Variants in PAX2 observed in about 807,000 individuals in gnomAD.
PAX2 encodes the protein paired box 2, also known as paired box protein Pax-2.
PAX2 carries 9 observed loss-of-function variants against 41.7 expected under a neutral mutation model. That is an observed-to-expected ratio of 0.22 (90% CI 0.13 to 0.38). PAX2 has a LOEUF of 0.38. PAX2 is among the 10% of genes least tolerant of loss of function. The pLI is 1.00. For missense variants in PAX2, 418 were observed against 531.6 expected (o/e 0.79, Z 2.10); for synonymous variants, 221 against 212.7 (o/e 1.04, Z -0.34).
chr10:100,779,725 C>T (rs1846537242), intron 4 of PAX2, 142 bp downstream of exon 4: 1 of 713,902 alleles, frequency 1.4e-6, no homozygotes, highest in Non-Finnish European at 2.6e-6. Flanking sequence ...GAGCTCCTGT[C>T]CACATAGGGT....
At chr10:100,777,920 C>G (rs896084294) in intron 3 of PAX2, among the ~76,000 whole-genome samples, 1 of 152,194 alleles carries the variant, frequency 6.6e-6, no homozygotes, top group Non-Finnish European at 1.5e-5. Flanking sequence ...CTCTTAGTCC[C>G]TTGCCTGTCT....
chr10:100,765,017 C>G (rs1322958706), intron 3 of PAX2, among the ~76,000 whole-genome samples: 1 of 152,082 alleles, frequency 6.6e-6, no homozygotes, highest in African/African-American at 2.4e-5. Flanking sequence ...AAATACTTAA[C>G]AAATTCAAAT....
At chr10:100,773,462 T>C (rs1846281052) in intron 3 of PAX2, among the ~76,000 whole-genome samples, 1 of 152,188 alleles carries the variant, frequency 6.6e-6, no homozygotes, top group South Asian at 2.1e-4. Flanking sequence ...TATTATCATA[T>C]AATATAATGC....
rs1848577794 is a variant in PAX2 at position 100,826,680 on chromosome 10, C to T, written c.1022-329C>T. On this transcript the variant is annotated intron_variant, in intron 8 of 9. Transcript: ENST00000355243. This position sits in a 1 kb window ranked among gnomAD's most constrained non-coding sequence, Gnocchi z 5.5. ...TGGCATCTATAAAGGCCCTGGCCCC[C>T]AGCGCGACAGGGTGGACGCGCCCCA... Among the ~76,000 whole-genome samples the T allele has an allele frequency of 1.3e-5, 2 of 152,240 alleles. No individual in the cohort carries two copies. Among genetic ancestry groups the T allele is most frequent in the African/African-American group, 4.8e-5 (2 of 41,466 alleles).
chr10:100,798,955 A>C lies in PAX2; in HGVS notation c.617-7475A>C, dbSNP rs368949681. ...GGGATATTGATCGCGTTCTGAACTCAGCCCAGCCGATAGAAGGTAATTAAT... is the reference window on the plus strand; with the variant it reads ...GGGATATTGATCGCGTTCTGAACTCCGCCCAGCCGATAGAAGGTAATTAAT... On this transcript the variant is annotated intron_variant, in intron 5 of 9. Coordinates refer to ENST00000355243, the MANE Select transcript of PAX2 (RefSeq NM_000278.5). Among the ~76,000 whole-genome samples the C allele has an allele frequency of 1.2e-4, 19 of 152,272 alleles. No homozygotes were observed. The East Asian group carries it at 1.7e-3, about 14-fold the overall frequency.
chr10:100,800,265 TTTTC>T (rs1309222042), intron 5 of PAX2, among the ~76,000 whole-genome samples: 2 of 101,402 alleles, frequency 2.0e-5, no homozygotes, highest in Non-Finnish European at 2.1e-5. Context: ...TTTTCTTTTC[TTTTC>T]TTTCTTTTTT....
chr10:100,793,706 G>A (rs892140329), intron 5 of PAX2, among the ~76,000 whole-genome samples: 4 of 152,162 alleles, frequency 2.6e-5, no homozygotes, highest in African/African-American at 4.8e-5. Context: ...CTCTGTCCTC[G>A]GCAGTTTTCA....
At chr10:100,747,854 C>A in intron 1 of PAX2, 1 of 984,964 alleles carries the variant, frequency 1.0e-6, no homozygotes, top group Non-Finnish European at 1.2e-6. Context: ...GCCTGCCTCG[C>A]GGCCCGCTGC....
chr10:100,773,979 G>A (rs1316728221), intron 3 of PAX2, among the ~76,000 whole-genome samples: 1 of 152,136 alleles, frequency 6.6e-6, no homozygotes, highest in Non-Finnish European at 1.5e-5. Context: ...TGGGACTTCA[G>A]GGTGCAAGGA....
chr10:100,799,148 C>T (rs547576650), intron 5 of PAX2, among the ~76,000 whole-genome samples: 20 of 152,314 alleles, frequency 1.3e-4, no homozygotes, highest in African/African-American at 2.4e-4. Flanking sequence ...ACCATCAGAA[C>T]GGGCAGAGCC....
At chr10:100,780,379 G>A (rs771466758) in intron 4 of PAX2, among the ~76,000 whole-genome samples, 3 of 152,182 alleles carry the variant, frequency 2.0e-5, no homozygotes, top group Non-Finnish European at 2.9e-5. Flanking sequence ...GATGAGGCCC[G>A]GGGTTTGAGG....
Position 100,770,097 on chromosome 10 carries a change from C to T in PAX2, c.411-9401C>T, listed in dbSNP as rs147340071. ...AAGACTGACGGACTGTTTTTGAATG[C>T]CTGAGTAGGCGAAAGGTAGGAAAGG... On this transcript the variant is annotated intron_variant, in intron 3 of 9. Coordinates refer to ENST00000355243, the MANE Select transcript of PAX2 (RefSeq NM_000278.5). 5.1e-3 allele frequency among the ~76,000 whole-genome samples: 774 copies of T among 152,232 alleles called. 6 individuals carry two copies. Among genetic ancestry groups the T allele is most frequent in the African/African-American group, 0.014 (597 of 41,534 alleles).
At chr10:100,751,686 G>A (rs1315211475) in intron 3 of PAX2, among the ~76,000 whole-genome samples, 1 of 152,140 alleles carries the variant, frequency 6.6e-6, no homozygotes, top group Non-Finnish European at 1.5e-5. Flanking sequence ...GTGCTCTCGG[G>A]GAGAACACAT....
At chr10:100,753,785 T>C (rs1322979755) in intron 3 of PAX2, among the ~76,000 whole-genome samples, 2 of 152,244 alleles carry the variant, frequency 1.3e-5, no homozygotes, top group East Asian at 3.8e-4. Context: ...TTTTTCACTC[T>C]TTAAAAATGG....
At chr10:100,806,340 C>T (rs372693218) in intron 5 of PAX2, 90 bp from the exon 6 acceptor site, 81 of 1,388,418 alleles carry the variant, frequency 5.8e-5, no homozygotes, top group African/African-American at 4.9e-4. Context: ...CTCCTGGGCC[C>T]GGAACCAGAT....
chr10:100,767,763 G>A lies in PAX2; in HGVS notation c.411-11735G>A, dbSNP rs573453204. On this transcript the variant is annotated intron_variant, in intron 3 of 9. Coordinates refer to ENST00000355243, the MANE Select transcript of PAX2 (RefSeq NM_000278.5). Reference sequence around the variant, plus strand: ...GTCCCAGAATTTATGTGACTCGCACGAGTCAGGAGGTCAAACAACTGTTAT... The same window carrying A: ...GTCCCAGAATTTATGTGACTCGCACAAGTCAGGAGGTCAAACAACTGTTAT... Among the ~76,000 whole-genome samples the A allele has an allele frequency of 2.6e-4, 39 of 152,276 alleles. 1 individual carries two copies. The South Asian group carries it at 6.9e-3, about 27-fold the overall frequency.
chr10:100,785,450 A>G (rs535013667), intron 5 of PAX2, among the ~76,000 whole-genome samples: 1 of 152,284 alleles, frequency 6.6e-6, no homozygotes, highest in African/African-American at 2.4e-5. Flanking sequence ...TAGGTGTACA[A>G]TGAATTGTGC....
At chr10:100,769,191 A>G (rs1255165087) in intron 3 of PAX2, among the ~76,000 whole-genome samples, 1 of 152,248 alleles carries the variant, frequency 6.6e-6, no homozygotes, top group Non-Finnish European at 1.5e-5. Context: ...TCTGAGTCTC[A>G]GCTTCCACAT....
chr10:100,812,812 G>C (rs994609605), intron 7 of PAX2, among the ~76,000 whole-genome samples: 4 of 152,166 alleles, frequency 2.6e-5, no homozygotes, highest in African/African-American at 7.2e-5. Flanking sequence ...ATGTTTCTGA[G>C]CATTAGAGAG....
Sources: allele counts gnomAD v4.1 joint callset (sites outside exome capture counted in the v4.1 genomes callset), GRCh38; gene constraint gnomAD v4.1.1; non-coding constraint Gnocchi (gnomAD v3.1); transcripts MANE v1.5; gene names NCBI Gene and HGNC (gene_info 2026-07-23, HGNC 2026-07-21).